Variants in MEMO1 observed in about 807,000 individuals in gnomAD.
MEMO1 encodes mediator of cell motility 1.
A neutral mutation model predicts 45.2 loss-of-function variants in MEMO1; 6 were observed. The ratio of observed to expected loss-of-function variants is 0.13; its 90% confidence interval spans 0.07 to 0.26. The LOEUF (loss-of-function observed/expected upper bound fraction) is 0.26, where lower values mean the gene tolerates loss of function less well. Ranked by LOEUF, MEMO1 falls within the 10% of genes least tolerant of loss-of-function variation. The probability of loss-of-function intolerance (pLI) is 1.00; values close to 1 mark genes in which losing one functional copy is unlikely to be tolerated. For missense variants in MEMO1, 184 were observed against 370.5 expected (o/e 0.50, Z 4.13); for synonymous variants, 78 against 124.3 (o/e 0.63, Z 2.48).
chr2:31,926,537 T>C (rs986139681), intron 4 of MEMO1, among the ~76,000 whole-genome samples: 1 of 152,062 alleles, frequency 6.6e-6, no homozygotes, highest in Non-Finnish European at 1.5e-5. Flanking sequence ...TCTGATAAAA[T>C]ACATGGTGAC....
At chr2:31,915,589 C>A (rs981418541) in intron 6 of MEMO1, among the ~76,000 whole-genome samples, 4 of 151,824 alleles carry the variant, frequency 2.6e-5, no homozygotes, top group Non-Finnish European at 5.9e-5. Flanking sequence ...GAAGTCTAAG[C>A]TATTCTTCTA....
intron 2 of MEMO1, among the ~76,000 whole-genome samples, chr2:31,966,986 CTT>C (rs2148438553): frequency 6.6e-6 from 1 of 152,102 alleles, no homozygotes; most frequent in South Asian, 2.1e-4. Flanking sequence ...TAATACAGGA[CTT>C]TGTTCTATAA....
chr2:31,876,153 A>G (rs932272692), intron 8 of MEMO1, among the ~76,000 whole-genome samples: 19 of 152,112 alleles, frequency 1.2e-4, no homozygotes, highest in African/African-American at 4.3e-4. Flanking sequence ...TCTTTTATAC[A>G]CACCACTCTT....
intron 6 of MEMO1, among the ~76,000 whole-genome samples, chr2:31,912,513 C>CA (rs752295550): frequency 0.082 from 4,909 of 59,962 alleles, 159 homozygotes; most frequent in South Asian, 0.1. Flanking sequence ...AACTCTGTCT[C>CA]AAAAAAAAAA....
chr2:32,009,773 G>A (rs1463907574), intron 2 of MEMO1, among the ~76,000 whole-genome samples: 1 of 152,172 alleles, frequency 6.6e-6, no homozygotes. Context: ...GGAGAAGCGG[G>A]GCTCGGCGCC....
chr2:31,997,911 A>T (rs949450565), intron 2 of MEMO1, among the ~76,000 whole-genome samples: 21 of 152,362 alleles, frequency 1.4e-4, no homozygotes, highest in African/African-American at 5.0e-4. Flanking sequence ...TAACACAGGA[A>T]ATGGCTAAGA....
At chr2:31,901,429 A>T (rs188278543) in intron 6 of MEMO1, among the ~76,000 whole-genome samples, 1 of 151,108 alleles carries the variant, frequency 6.6e-6, no homozygotes, top group East Asian at 2.0e-4. Flanking sequence ...ATGCGACAAC[A>T]GGGATGAATC....
intron 4 of MEMO1, among the ~76,000 whole-genome samples, chr2:31,921,492 C>T (rs1162472311): frequency 1.3e-5 from 2 of 152,060 alleles, no homozygotes; most frequent in African/African-American, 2.4e-5. Flanking sequence ...ATACAGTAAA[C>T]CAACCCACTA....
chr2:31,922,798 G>A (rs754247856), intron 4 of MEMO1, among the ~76,000 whole-genome samples: 2 of 151,846 alleles, frequency 1.3e-5, no homozygotes, highest in African/African-American at 4.8e-5. Context: ...CAAGTGATAT[G>A]ATCTCATTCT....
chr2:31,967,628 G>C (rs879881720), intron 2 of MEMO1, among the ~76,000 whole-genome samples: 1 of 151,922 alleles, frequency 6.6e-6, no homozygotes, highest in Admixed American at 6.6e-5. Flanking sequence ...ATTTTTTGTA[G>C]AGACAAGGTT....
intron 2 of MEMO1, among the ~76,000 whole-genome samples, chr2:31,968,015 C>A (rs1159541281): frequency 6.6e-6 from 1 of 151,998 alleles, no homozygotes; most frequent in Non-Finnish European, 1.5e-5. Flanking sequence ...AAGCATTTTT[C>A]TGGAGAAAAA....
chr2:31,924,369 CTTTA>C (rs1682770141), intron 4 of MEMO1, among the ~76,000 whole-genome samples: 1 of 151,416 alleles, frequency 6.6e-6, no homozygotes, highest in South Asian at 2.1e-4. Flanking sequence ...CTTTCTCTTC[CTTTA>C]TTTGACTGCA....
intron 2 of MEMO1, among the ~76,000 whole-genome samples, chr2:31,997,285 C>T (rs1211851026): frequency 6.6e-6 from 1 of 152,130 alleles, no homozygotes; most frequent in East Asian, 1.9e-4. Flanking sequence ...AAGAAATCGT[C>T]AAGCAACCTG....
intron 2 of MEMO1, among the ~76,000 whole-genome samples, chr2:31,985,516 G>C (rs1445318098): frequency 6.6e-6 from 1 of 152,044 alleles, no homozygotes; most frequent in Non-Finnish European, 1.5e-5. Context: ...AGTACAGACA[G>C]GGTTTCACCA....
chr2:31,869,924 G>C lies in MEMO1; in HGVS notation c.686C>G (p.Pro229Arg). The C allele has an allele frequency of 6.4e-7, 1 of 1,571,204 alleles. No homozygotes were observed. The highest frequency in any genetic ancestry group is 8.6e-7 in the Non-Finnish European group (1 of 1,164,778). Reference protein sequence around the residue: ...MGMSIIEQLDPVSFSNYLKKY... With the variant: ...MGMSIIEQLDRVSFSNYLKKY... ...CTTCAAGTAATTGCTAAAAGATACA[G>C]GGTCTAATTGTTCTATAATACTCAT... is the stretch of plus-strand genomic sequence containing the variant. The change falls in exon 9 of 10, where the codon CCT (proline) becomes CGT (arginine). Residue 229 changes from proline to arginine, a missense_variant. By Grantham distance (103) the Pro-to-Arg change is moderately radical. Coordinates refer to ENST00000404530, the MANE Select transcript of MEMO1 (RefSeq NM_001301833.4).
At position 31,949,799 on chromosome 2, in the gene MEMO1, G is replaced by A. The variant is rs62142077; in HGVS notation, c.62-6416C>T. Among the ~76,000 whole-genome samples the A allele has an allele frequency of 1.1e-3, 161 of 152,140 alleles. 1 individual carries two copies. The highest frequency in any genetic ancestry group is 3.8e-3 in the African/African-American group (159 of 41,510). On this transcript the variant is annotated intron_variant, in intron 2 of 9. Transcript: ENST00000404530. Reference sequence around the variant, plus strand: ...TCAAAGGATAAATGATTGAGGGGATGGATACCCCATTCCCTTGCAACTATT... The same window carrying A: ...TCAAAGGATAAATGATTGAGGGGATAGATACCCCATTCCCTTGCAACTATT...
Position 31,959,744 on chromosome 2 carries a change from C to T in MEMO1, c.62-16361G>A, listed in dbSNP as rs192694957. The stretch of plus-strand genomic sequence containing the variant: ...AGTCTACAGAACCTCAAATAAAATT[C>T]ATTTACCTTATGAAACACAACCTTG... On this transcript the variant is annotated intron_variant, in intron 2 of 9. Coordinates refer to ENST00000404530, the MANE Select transcript of MEMO1 (RefSeq NM_001301833.4). 3.8e-3 allele frequency among the ~76,000 whole-genome samples: 579 copies of T among 150,778 alleles called. 4 individuals carry two copies. Among genetic ancestry groups the T allele is most frequent in the African/African-American group, 0.013 (520 of 40,988 alleles).
intron 2 of MEMO1, among the ~76,000 whole-genome samples, chr2:32,004,381 A>G (rs34432107): frequency 0.099 from 15,005 of 152,188 alleles, 795 homozygotes; most frequent in Middle Eastern, 0.21. Flanking sequence ...CAAAAGCAGA[A>G]ATCCAATGGC....
rs1447599807 is a variant in MEMO1, at chr2:31,958,105, T to A, written c.62-14722A>T. Among the ~76,000 whole-genome samples the A allele has an allele frequency of 2.0e-5, 3 of 151,956 alleles. No individual in the cohort carries two copies. The East Asian group carries it at 5.8e-4, about 29-fold the overall frequency. ...AGATGTGCAGGGGAATAAAAAAAGG[T>A]AATCAGATATAACACCCATCACAAT... is the stretch of plus-strand genomic sequence containing the variant. On this transcript the variant is annotated intron_variant, in intron 2 of 9. Transcript: ENST00000404530.
Sources: gnomAD v4.1 joint callset for allele counts (sites outside exome capture counted in the v4.1 genomes callset) on GRCh38, gnomAD v4.1.1 for gene constraint, MANE v1.5 for transcripts, NCBI Gene and HGNC (gene_info 2026-07-23, HGNC 2026-07-21) for gene names.